MRTFA: variants seen among roughly 807,000 people sequenced by gnomAD.
The protein encoded by MRTFA is myocardin related transcription factor A, also known as myocardin-related transcription factor A.
Under a neutral mutation model 83.5 loss-of-function variants are expected in MRTFA, and 20 were observed. That is an observed-to-expected ratio of 0.24 (90% CI 0.17 to 0.35). MRTFA has a LOEUF of 0.35. MRTFA is among the 10% of genes least tolerant of loss of function. The pLI, the probability that MRTFA is intolerant of heterozygous loss-of-function variation, is 1.00. For missense variants in MRTFA, 1,200 were observed against 1,224.7 expected (o/e 0.98, Z 0.30); for synonymous variants, 659 against 541.2 (o/e 1.22, Z -3.02).
chr22:40,463,320 G>C (rs1602285573), intron 3 of MRTFA, 34 bp from the exon 4 acceptor site: 5 of 1,561,810 alleles, frequency 3.2e-6, no homozygotes, highest in Non-Finnish European at 4.4e-6. Context: ...AGAGATGAGG[G>C]GTCAGTTGGG....
chr22:40,484,475 C>T (rs1398293105), intron 3 of MRTFA, among the ~76,000 whole-genome samples: 4 of 152,052 alleles, frequency 2.6e-5, no homozygotes, highest in African/African-American at 4.8e-5. Flanking sequence ...TCCACATCCC[C>T]CAGGTTTAGT....
At chr22:40,442,931 A>G (rs2053304879) in intron 4 of MRTFA, among the ~76,000 whole-genome samples, 1 of 152,176 alleles carries the variant, frequency 6.6e-6, no homozygotes, top group Non-Finnish European at 1.5e-5. Flanking sequence ...TGTGGCTAGA[A>G]GAATAAGCTG....
intron 3 of MRTFA, chr22:40,519,743 G>A (rs2054830057): frequency 1.6e-5 from 8 of 493,244 alleles, no homozygotes; most frequent in South Asian, 1.4e-4. Flanking sequence ...TAGTACAAAC[G>A]CCTAAGAGCA....
Position 40,543,341 on chromosome 22 carries a change from G to GA in MRTFA, c.241+8764dup, listed in dbSNP as rs1278119810. Among the ~76,000 whole-genome samples, 3 of 151,966 alleles carry GA rather than the reference G, an allele frequency of 2.0e-5. No individual in the cohort carries two copies. The East Asian group carries it at 5.8e-4, about 29-fold the overall frequency. ...AAAGGATACAGTTCGTACCCTTACA[G>GA]AAAAAAATACATGATCTGTCCTTTA... On this transcript the variant is annotated intron_variant, in intron 3 of 14. Coordinates refer to ENST00000355630, the MANE Select transcript of MRTFA (RefSeq NM_020831.6).
At position 40,590,880 on chromosome 22, in the gene MRTFA, C is replaced by T. The variant is rs528112843; in HGVS notation, c.-22+3794G>A. Among the ~76,000 whole-genome samples the T allele has an allele frequency of 3.3e-5, 5 of 151,956 alleles. No individual in the cohort carries two copies. In the South Asian group the frequency reaches 8.3e-4, roughly 25 times the overall value. On this transcript the variant is annotated intron_variant, in intron 2 of 14. Transcript: ENST00000355630. ...TGGGCACGGTGGCTCACAGCTGTAA[C>T]CCCACCACTTTAGGAGGCCAAGGCA...
chr22:40,601,014 T>C (rs2056253141), intron 1 of MRTFA, among the ~76,000 whole-genome samples: 1 of 152,016 alleles, frequency 6.6e-6, no homozygotes, highest in Non-Finnish European at 1.5e-5. Context: ...AACTACAATC[T>C]CAAACTGTCC....
At chr22:40,488,506 G>A (rs753318849) in intron 3 of MRTFA, among the ~76,000 whole-genome samples, 3 of 151,552 alleles carry the variant, frequency 2.0e-5, no homozygotes, top group Non-Finnish European at 4.4e-5. Flanking sequence ...GACACGGTGA[G>A]ACTCCATCTC....
chr22:40,596,352 T>C lies in MRTFA; in HGVS notation c.-83-1617A>G, dbSNP rs544690335. ...GAGAAACAATTCCCAATTAAATAAA[T>C]GAATTGTGGTTTTTAAGCAGTCCAC... On this transcript the variant is annotated intron_variant, in intron 1 of 14. Coordinates refer to ENST00000355630, the MANE Select transcript of MRTFA (RefSeq NM_020831.6). Among the ~76,000 whole-genome samples the C allele has an allele frequency of 5.3e-5, 8 of 152,236 alleles. 1 individual carries two copies. The highest frequency in any genetic ancestry group is 3.9e-4 in the Admixed American group (6 of 15,286).
intron 3 of MRTFA, among the ~76,000 whole-genome samples, chr22:40,514,342 C>T (rs1435142542): frequency 6.6e-6 from 1 of 151,896 alleles, no homozygotes; most frequent in African/African-American, 2.4e-5. Flanking sequence ...TGTATCCATT[C>T]AGGAATGTGG....
intron 10 of MRTFA, 100 bp from the exon 11 acceptor site, chr22:40,420,676 T>A: frequency 6.5e-7 from 1 of 1,546,934 alleles, no homozygotes; most frequent in South Asian, 1.2e-5. Context: ...CAGATGGGCA[T>A]GGGGCAAGGG....
chr22:40,420,819 G>A (rs776270810), intron 10 of MRTFA, 28 bp downstream of exon 10: 1 of 1,611,414 alleles, frequency 6.2e-7, no homozygotes, highest in South Asian at 1.1e-5. Flanking sequence ...GGGAGGGCAG[G>A]GGCAGGCAGT....
chr22:40,596,730 G>A (rs2056197186), intron 1 of MRTFA, among the ~76,000 whole-genome samples: 1 of 152,100 alleles, frequency 6.6e-6, no homozygotes, highest in African/African-American at 2.4e-5. Flanking sequence ...CCTTGAACCC[G>A]AGAGGCAGAA....
chr22:40,524,613 T>A (rs2054931039), intron 3 of MRTFA, among the ~76,000 whole-genome samples: 3 of 152,182 alleles, frequency 2.0e-5, no homozygotes, highest in Admixed American at 2.0e-4. Context: ...AGGGAACAGT[T>A]TAATGAGATG....
chr22:40,491,095 C>A (rs930366261), intron 3 of MRTFA, among the ~76,000 whole-genome samples: 1 of 152,168 alleles, frequency 6.6e-6, no homozygotes, highest in African/African-American at 2.4e-5. Context: ...GTAATCCCAG[C>A]ACTTTGGGAG....
At chr22:40,597,532 A>G (rs1602478402) in intron 1 of MRTFA, among the ~76,000 whole-genome samples, 1 of 152,234 alleles carries the variant, frequency 6.6e-6, no homozygotes, top group African/African-American at 2.4e-5. Flanking sequence ...AGGTATTTAC[A>G]TTGGCTTTAG....
chr22:40,417,373 C>T lies in MRTFA; in HGVS notation c.2485G>A (p.Glu829Lys), dbSNP rs1306187946. The change falls in exon 13 of 15, where the codon GAG becomes AAG. Residue 829 changes from glutamate (E) to lysine (K), a missense_variant. By Grantham distance (56) the Glu-to-Lys change is moderately conservative. Coordinates refer to ENST00000355630, the MANE Select transcript of MRTFA (RefSeq NM_020831.6). ...TTGGGCTGCTGGCTCATGGCTTCCT[C>T]ATAGCCAGGTGGTTCCTTCTTCAGC... is the stretch of plus-strand genomic sequence containing the variant. The T allele has an allele frequency of 6.2e-7, 1 of 1,611,668 alleles. No homozygotes were observed. The highest frequency in any genetic ancestry group is 8.5e-7 in the Non-Finnish European group (1 of 1,179,836).
intron 3 of MRTFA, among the ~76,000 whole-genome samples, chr22:40,545,534 G>C (rs571912043): frequency 2.0e-5 from 3 of 151,956 alleles, no homozygotes; most frequent in South Asian, 4.2e-4. Flanking sequence ...CTGGGTTCAA[G>C]CAATTCTCCC....
At chr22:40,457,396 AAG>A (rs1408997245) in intron 4 of MRTFA, among the ~76,000 whole-genome samples, 1 of 150,296 alleles carries the variant, frequency 6.7e-6, no homozygotes. Context: ...AAGAAAAAGA[AAG>A]AAAGAAAGAG....
At chr22:40,413,898 G>A (rs999655556) in intron 14 of MRTFA, among the ~76,000 whole-genome samples, 1 of 152,198 alleles carries the variant, frequency 6.6e-6, no homozygotes, top group Non-Finnish European at 1.5e-5. Flanking sequence ...ACACCCATTA[G>A]GATGGCTTGT....
Sources: allele counts gnomAD v4.1 joint callset (sites outside exome capture counted in the v4.1 genomes callset), GRCh38; gene constraint gnomAD v4.1.1; transcripts MANE v1.5; gene names NCBI Gene and HGNC (gene_info 2026-07-23, HGNC 2026-07-21).